PTPRE: variants seen among roughly 807,000 people sequenced by gnomAD.
PTPRE encodes the protein receptor-type tyrosine-protein phosphatase epsilon.
PTPRE carries 51 observed loss-of-function variants against 102.0 expected under a neutral mutation model. The observed-to-expected ratio is 0.50, with a 90% confidence interval of 0.40 to 0.63. The LOEUF (loss-of-function observed/expected upper bound fraction) is 0.63. Ranked by LOEUF, PTPRE falls within the 30% of genes least tolerant of loss-of-function variation. PTPRE has a pLI of 0.00. For missense variants in PTPRE, 752 were observed against 915.1 expected (o/e 0.82, Z 2.30); for synonymous variants, 345 against 348.2 (o/e 0.99, Z 0.10).
chr10:127,949,347 A>G (rs1269866092), intron 1 of PTPRE, among the ~76,000 whole-genome samples: 1 of 152,110 alleles, frequency 6.6e-6, no homozygotes, highest in Non-Finnish European at 1.5e-5. Flanking sequence ...AGATTTTGGT[A>G]CCAGGAGTGG....
intron 2 of PTPRE, among the ~76,000 whole-genome samples, chr10:128,034,945 A>C (rs1173469358): frequency 6.6e-6 from 1 of 152,228 alleles, no homozygotes; most frequent in Non-Finnish European, 1.5e-5. Flanking sequence ...TTTTATTTTC[A>C]GATAATCAAT....
In PTPRE at chr10:127,912,219, G is replaced by A. The variant is rs570951994; in HGVS notation, c.-31+4910G>A. 7.9e-5 allele frequency among the ~76,000 whole-genome samples: 12 copies of A among 152,216 alleles called. No homozygotes were observed. In the East Asian group the frequency reaches 1.5e-3, roughly 20 times the overall value. ...CACCCTGCTCACAGCCAGAAATGTG[G>A]GCCCCACATCTTTCTTTCAACTGTA... On this transcript the variant is annotated intron_variant, in intron 1 of 20. Coordinates refer to ENST00000254667, the MANE Select transcript of PTPRE (RefSeq NM_006504.6).
chr10:127,938,832 A>G (rs748044956), intron 1 of PTPRE, among the ~76,000 whole-genome samples: 8 of 152,140 alleles, frequency 5.3e-5, no homozygotes, highest in Non-Finnish European at 1.2e-4. Context: ...CAATATCTTC[A>G]TCCTCAGGAC....
At chr10:127,948,533 T>C (rs1848789505) in intron 1 of PTPRE, among the ~76,000 whole-genome samples, 1 of 151,986 alleles carries the variant, frequency 6.6e-6, no homozygotes, top group African/African-American at 2.4e-5. Flanking sequence ...CCTGTGAACC[T>C]GGCAACCACT....
At chr10:128,062,842 T>A in intron 9 of PTPRE, 1 of 589,056 alleles carries the variant, frequency 1.7e-6, no homozygotes, top group Non-Finnish European at 2.8e-6. Context: ...GTGAACGTCA[T>A]AACTCAACCT....
intron 13 of PTPRE, 158 bp downstream of exon 13, chr10:128,069,985 G>T: frequency 1.9e-6 from 2 of 1,035,214 alleles, no homozygotes; most frequent in East Asian, 2.5e-5. Flanking sequence ...CCCACGCGTG[G>T]GACCTCAGGG....
At chr10:127,915,672 T>C (rs1846154684) in intron 1 of PTPRE, among the ~76,000 whole-genome samples, 1 of 152,180 alleles carries the variant, frequency 6.6e-6, no homozygotes, top group South Asian at 2.1e-4. Context: ...CCAGGCCTAT[T>C]CTTAGCTAGC....
chr10:128,048,815 T>C (rs1006035951), intron 5 of PTPRE, among the ~76,000 whole-genome samples: 5 of 152,234 alleles, frequency 3.3e-5, no homozygotes, highest in African/African-American at 1.2e-4. Context: ...GGCTTCAGAA[T>C]GGCTCTGCAG....
intron 1 of PTPRE, among the ~76,000 whole-genome samples, chr10:127,951,409 AACAG>A (rs1321147549): frequency 1.3e-5 from 2 of 152,236 alleles, no homozygotes; most frequent in African/African-American, 2.4e-5. Context: ...GAGGGAAATA[AACAG>A]ACAATTTGGG....
Position 128,079,545 on chromosome 10 carries a change from G to A in PTPRE, c.1893-15G>A, listed in dbSNP as rs930525770. 20 of 1,612,708 alleles carry A rather than the reference G, an allele frequency of 1.2e-5. No individual in the cohort carries two copies. Among genetic ancestry groups the A allele is most frequent in the East Asian group, 4.5e-5 (2 of 44,860 alleles). On this transcript the variant is annotated splice_polypyrimidine_tract_variant and intron_variant, in intron 19 of 20. Coordinates refer to ENST00000254667, the MANE Select transcript of PTPRE (RefSeq NM_006504.6). Reference sequence around the variant, plus strand: ...GCAAGTCGGATGATCTGCATTAAGCGCTTTTTCTCTGCAGTGCCGGAGCTG... The same window carrying A: ...GCAAGTCGGATGATCTGCATTAAGCACTTTTTCTCTGCAGTGCCGGAGCTG...
chr10:128,000,686 T>G (rs1853786199), intron 2 of PTPRE, among the ~76,000 whole-genome samples: 1 of 152,266 alleles, frequency 6.6e-6, no homozygotes, highest in Non-Finnish European at 1.5e-5. Context: ...AGAATAAATA[T>G]TAGATTTCAT....
At chr10:127,973,122 T>A (rs928920949) in intron 1 of PTPRE, among the ~76,000 whole-genome samples, 1 of 152,252 alleles carries the variant, frequency 6.6e-6, no homozygotes, top group African/African-American at 2.4e-5. Context: ...CTGCATATTT[T>A]TGCTATAATG....
At position 128,065,891 on chromosome 10, in the gene PTPRE, G is replaced by A. The variant is rs1056603747; in HGVS notation, c.724-184G>A. ...TCCTAGTCATAGTTTCAAGGCTGCT[G>A]TTCACCAGTTACGCAGCCTCAGTTT... On this transcript the variant is annotated intron_variant, in intron 10 of 20. Transcript: ENST00000254667. Among the ~76,000 whole-genome samples, 4 of 152,206 alleles carry A rather than the reference G, an allele frequency of 2.6e-5. No homozygotes were observed. In the East Asian group the frequency reaches 5.8e-4, roughly 22 times the overall value.
At chr10:127,933,398 G>A (rs367677880) in intron 1 of PTPRE, among the ~76,000 whole-genome samples, 16 of 152,280 alleles carry the variant, frequency 1.1e-4, no homozygotes, top group South Asian at 1.0e-3. Flanking sequence ...TTTAATCCTC[G>A]TGGACTACAT....
At chr10:128,065,151 T>C (rs1422508133) in intron 10 of PTPRE, among the ~76,000 whole-genome samples, 1 of 152,180 alleles carries the variant, frequency 6.6e-6, no homozygotes, top group Admixed American at 6.5e-5. Context: ...GAGGGGGAAG[T>C]TGTCGGTAGC....
chr10:127,952,822 A>C (rs1209505687), intron 1 of PTPRE, among the ~76,000 whole-genome samples: 2 of 152,182 alleles, frequency 1.3e-5, no homozygotes, highest in African/African-American at 2.4e-5. Context: ...TTTATTTCTC[A>C]CAATGACAAT....
In PTPRE at chr10:128,056,169, A is replaced by C. The variant is rs772750216; in HGVS notation, c.467A>C (p.Lys156Thr). 1.9e-6 allele frequency: 3 copies of C among 1,613,176 alleles called. No individual in the cohort carries two copies. The highest frequency in any genetic ancestry group is 3.3e-5 in the Admixed American group (2 of 60,026). The change falls in exon 7 of 21, where the codon AAA becomes ACA. Residue 156 changes from lysine (K) to threonine (T), a missense_variant. Lys to Thr is a moderately conservative substitution (Grantham distance 78). This residue lies in a region of PTPRE where 636 missense variants were observed against 824.4 expected (regional missense o/e 0.77). Transcript: ENST00000254667. ...HIQGTFELAN[K>T]EENREKNRYP... Reference sequence around the variant, plus strand: ...CAAGGAACTTTTGAACTGGCAAATAAAGAAGAAAACAGAGAAAAAAACAGA... The same window carrying C: ...CAAGGAACTTTTGAACTGGCAAATACAGAAGAAAACAGAGAAAAAAACAGA...
chr10:128,027,979 C>T (rs1846406302), intron 2 of PTPRE, among the ~76,000 whole-genome samples: 1 of 152,194 alleles, frequency 6.6e-6, no homozygotes, highest in Non-Finnish European at 1.5e-5. Context: ...GGGACACCAG[C>T]ACGCCGAGGG....
At chr10:128,010,589 T>TTCTTTTCTTTTCTTC (rs1844918687) in intron 2 of PTPRE, among the ~76,000 whole-genome samples, 1 of 150,760 alleles carries the variant, frequency 6.6e-6, no homozygotes, top group African/African-American at 2.5e-5. Context: ...TTCTTTTCTT[T>TTCTTTTCTTTTCTTC]TCTTTCCTTT....
Sources: gnomAD v4.1 joint callset for allele counts (sites outside exome capture counted in the v4.1 genomes callset) on GRCh38, gnomAD v4.1.1 for gene constraint, gnomAD v4.1.1 regional missense constraint, MANE v1.5 for transcripts, NCBI Gene and HGNC (gene_info 2026-07-23, HGNC 2026-07-21) for gene names.